The following LHFPL3 variants were observed in gnomAD, a reference collection of about 807,000 sequenced individuals.
The protein encoded by LHFPL3 is LHFPL tetraspan subfamily member 3, also known as LHFPL tetraspan subfamily member 3 protein.
In LHFPL3, 5 loss-of-function variants were observed where a neutral mutation model predicts 19.3. The ratio of observed to expected loss-of-function variants is 0.26; its 90% CI spans 0.14 to 0.54. The LOEUF is 0.54. Ranked by LOEUF, LHFPL3 falls within the 20% of genes least tolerant of loss-of-function variation. The pLI is 0.94. For missense variants in LHFPL3, 249 were observed against 307.4 expected (o/e 0.81, Z 1.42); for synonymous variants, 133 against 126.2 (o/e 1.05, Z -0.36).
chr7:104,357,628 G>A (rs62486507), intron 1 of LHFPL3, among the ~76,000 whole-genome samples: 9,934 of 152,186 alleles, frequency 0.065, 848 homozygotes, highest in Admixed American at 0.25. Flanking sequence ...TTATTCTAAG[G>A]AATTGGCTTA....
intron 1 of LHFPL3, among the ~76,000 whole-genome samples, chr7:104,441,828 C>T (rs887058646): frequency 6.6e-6 from 1 of 152,194 alleles, no homozygotes; most frequent in African/African-American, 2.4e-5. Flanking sequence ...CCCACCTCGG[C>T]CTCCCTAAGT....
At chr7:104,428,749 A>G (rs901815193) in intron 1 of LHFPL3, among the ~76,000 whole-genome samples, 19 of 152,294 alleles carry the variant, frequency 1.2e-4, no homozygotes, top group African/African-American at 4.6e-4. Flanking sequence ...ATTTTCCCTT[A>G]TTTAGAAATG....
intron 1 of LHFPL3, chr7:104,668,261 T>G (rs1191474276): frequency 2.5e-6 from 4 of 1,611,400 alleles, no homozygotes; most frequent in Non-Finnish European, 2.5e-6. Context: ...TGGACGTTGC[T>G]GATCAAGCAC....
At chr7:104,870,381 C>A (rs1213640956) in intron 2 of LHFPL3, among the ~76,000 whole-genome samples, 2 of 152,178 alleles carry the variant, frequency 1.3e-5, no homozygotes, top group Non-Finnish European at 2.9e-5. Context: ...TCTGTGACCA[C>A]AGGCTGTAAT....
intron 2 of LHFPL3, among the ~76,000 whole-genome samples, chr7:104,825,064 G>A (rs917544145): frequency 6.6e-6 from 1 of 150,588 alleles, no homozygotes; most frequent in Non-Finnish European, 1.5e-5. Flanking sequence ...ATATGAATGA[G>A]TAAGTGACAG....
At chr7:104,419,422 T>C (rs1004742114) in intron 1 of LHFPL3, among the ~76,000 whole-genome samples, 1 of 152,124 alleles carries the variant, frequency 6.6e-6, no homozygotes, top group Non-Finnish European at 1.5e-5. Context: ...AATAGAGCAG[T>C]TGTGAGTTTG....
At chr7:104,767,327 C>A (rs755368378) in intron 2 of LHFPL3, among the ~76,000 whole-genome samples, 1 of 152,172 alleles carries the variant, frequency 6.6e-6, no homozygotes, top group Non-Finnish European at 1.5e-5. Flanking sequence ...GCTAGAGGAT[C>A]TGCAAACCCA....
intron 2 of LHFPL3, among the ~76,000 whole-genome samples, chr7:104,850,797 G>A (rs193129277): frequency 7.9e-4 from 98 of 124,208 alleles, no homozygotes; most frequent in Middle Eastern, 3.9e-3. Flanking sequence ...CCCCACCCCC[G>A]CCAAGGTTTG....
chr7:104,329,105 C>G lies in LHFPL3; in HGVS notation c.326C>G (p.Ser109Cys). 6.2e-7 allele frequency: 1 copy of G among 1,614,090 alleles called. No homozygotes were observed. The highest frequency in any genetic ancestry group is 8.5e-7 in the Non-Finnish European group (1 of 1,179,908). Residue 109 changes from serine (S) to cysteine (C), a missense_variant, in exon 1 of 3, where the codon TCC (serine) becomes TGC (cysteine). By Grantham distance (112) the Ser-to-Cys change is moderately radical. Coordinates refer to ENST00000424859, the MANE Select transcript of LHFPL3 (RefSeq NM_199000.3). The part of the protein sequence containing the change: ...TLPSGAFKAA[S>C]FFIGLSMMLI... Reference sequence around the variant, plus strand: ...CCCTCGGGCGCCTTCAAAGCCGCCTCCTTCTTTATCGGCCTCTCCATGATG... The same window carrying G: ...CCCTCGGGCGCCTTCAAAGCCGCCTGCTTCTTTATCGGCCTCTCCATGATG...
intron 1 of LHFPL3, among the ~76,000 whole-genome samples, chr7:104,631,923 A>G (rs1388438272): frequency 6.6e-6 from 1 of 152,176 alleles, no homozygotes; most frequent in African/African-American, 2.4e-5. Context: ...AAGTTATGGG[A>G]AGGAAAACTG....
At chr7:104,382,541 C>T (rs543227516) in intron 1 of LHFPL3, among the ~76,000 whole-genome samples, 11 of 152,240 alleles carry the variant, frequency 7.2e-5, no homozygotes, top group African/African-American at 2.6e-4. Flanking sequence ...GTCGTTGATG[C>T]CTGGGTTCCA....
At chr7:104,656,428 G>A (rs919110477) in intron 1 of LHFPL3, among the ~76,000 whole-genome samples, 1 of 152,110 alleles carries the variant, frequency 6.6e-6, no homozygotes, top group Non-Finnish European at 1.5e-5. Flanking sequence ...GCTGCTTTCC[G>A]GGGTGTGACA....
intron 1 of LHFPL3, among the ~76,000 whole-genome samples, chr7:104,734,635 G>T (rs1030712907): frequency 6.6e-6 from 1 of 152,076 alleles, no homozygotes; most frequent in Admixed American, 6.6e-5. Context: ...CTTTTTTCAA[G>T]GTTTTTAACT....
chr7:104,342,103 G>T (rs1449169852), intron 1 of LHFPL3, among the ~76,000 whole-genome samples: 2 of 152,130 alleles, frequency 1.3e-5, no homozygotes, highest in Non-Finnish European at 2.9e-5. Flanking sequence ...CATTGGCATG[G>T]TCATCCCCAT....
At chr7:104,475,899 T>C (rs929153057) in intron 1 of LHFPL3, among the ~76,000 whole-genome samples, 1 of 151,978 alleles carries the variant, frequency 6.6e-6, no homozygotes, top group Non-Finnish European at 1.5e-5. Flanking sequence ...CAAACGATGA[T>C]TTTTTTACTA....
intron 1 of LHFPL3, among the ~76,000 whole-genome samples, chr7:104,626,338 T>C (rs184171929): frequency 6.6e-6 from 1 of 152,294 alleles, no homozygotes; most frequent in Admixed American, 6.5e-5. Context: ...AGGCAGAAAG[T>C]TTAAAACTTT....
chr7:104,590,899 G>C lies in LHFPL3; in HGVS notation c.446-145776G>C, dbSNP rs547416413. Among the ~76,000 whole-genome samples the C allele has an allele frequency of 4.6e-5, 7 of 152,154 alleles. No homozygotes were observed. The South Asian group carries it at 1.5e-3, about 32-fold the overall frequency. ...TCTTTGTGTCTTTTGATCTTTGTTG[G>C]TTTAAAGTCTGTTTTATCAGAGACT... is the stretch of plus-strand genomic sequence containing the variant. On this transcript the variant is annotated intron_variant, in intron 1 of 2. Transcript: ENST00000424859.
intron 1 of LHFPL3, among the ~76,000 whole-genome samples, chr7:104,677,299 C>T (rs1792609756): frequency 6.6e-6 from 1 of 151,614 alleles, no homozygotes; most frequent in Non-Finnish European, 1.5e-5. Flanking sequence ...ATCATTTGAG[C>T]CTCGGAGTTC....
intron 1 of LHFPL3, among the ~76,000 whole-genome samples, chr7:104,413,497 T>A (rs1001775515): frequency 2.0e-5 from 3 of 152,214 alleles, no homozygotes; most frequent in Non-Finnish European, 4.4e-5. Flanking sequence ...TATGGAGAGA[T>A]GCTATTATTA....
Sources: gnomAD v4.1 joint callset for allele counts (sites outside exome capture counted in the v4.1 genomes callset) on GRCh38, gnomAD v4.1.1 for gene constraint, MANE v1.5 for transcripts, NCBI Gene and HGNC (gene_info 2026-07-23, HGNC 2026-07-21) for gene names.